The following PHTF2 variants were observed in gnomAD, a reference collection of about 807,000 sequenced individuals.
The protein encoded by PHTF2 is protein PHTF2.
PHTF2 carries 60 observed loss-of-function variants against 101.2 expected under a neutral mutation model. That is an observed-to-expected ratio of 0.59 (90% CI 0.48 to 0.73). The LOEUF (loss-of-function observed/expected upper bound fraction) is 0.73. Ranked by LOEUF, PHTF2 falls within the 30% of genes least tolerant of loss-of-function variation. The pLI is 0.00. For missense variants in PHTF2, 747 were observed against 908.7 expected, an observed-to-expected ratio of 0.82 and a Z score of 2.29; for synonymous variants, 311 against 307.3, an observed-to-expected ratio of 1.01 and a Z score of -0.13.
intron 1 of PHTF2, among the ~76,000 whole-genome samples, chr7:77,800,514 AC>A (rs1792451251): frequency 6.6e-6 from 1 of 152,212 alleles, no homozygotes; most frequent in African/African-American, 2.4e-5. Flanking sequence ...AGTATAGTAT[AC>A]AATGGGGGCA....
intron 4 of PHTF2, 57 bp from the exon 4 acceptor site, chr7:77,893,925 A>G (rs1800663040): frequency 8.0e-7 from 1 of 1,251,330 alleles, no homozygotes; most frequent in Non-Finnish European, 1.2e-6. Flanking sequence ...TTCACTTGTC[A>G]CCTTATACTT....
chr7:77,910,440 T>A (rs1441126660), intron 9 of PHTF2, 31 bp downstream of exon 8: 1 of 1,523,700 alleles, frequency 6.6e-7, no homozygotes, highest in Non-Finnish European at 9.0e-7. Flanking sequence ...TTATATGGCA[T>A]AGAGATGGCA....
chr7:77,849,972 C>T (rs1796606552), intron 2 of PHTF2, among the ~76,000 whole-genome samples: 1 of 145,638 alleles, frequency 6.9e-6, no homozygotes, highest in South Asian at 2.2e-4. Context: ...TGGACTTCTT[C>T]CTTTCCAATT....
chr7:77,878,015 C>T (rs1799096600), intron 3 of PHTF2, among the ~76,000 whole-genome samples: 1 of 152,052 alleles, frequency 6.6e-6, no homozygotes, highest in Admixed American at 6.6e-5. Context: ...TATAGCAAGA[C>T]TTCAGTACTT....
At chr7:77,939,023 T>C (rs1805404590) in intron 13 of PHTF2, among the ~76,000 whole-genome samples, 1 of 152,182 alleles carries the variant, frequency 6.6e-6, no homozygotes, top group Non-Finnish European at 1.5e-5. Flanking sequence ...TAGTTTGTGC[T>C]CTGTAACTTA....
chr7:77,900,540 A>T (rs1011597051), intron 5 of PHTF2, 171 bp from the exon 5 acceptor site: 7 of 574,720 alleles, frequency 1.2e-5, no homozygotes, highest in African/African-American at 9.4e-5. Flanking sequence ...CAATAATAAA[A>T]TTTATTACAA....
At chr7:77,862,942 T>C (rs1797762027) in intron 3 of PHTF2, among the ~76,000 whole-genome samples, 1 of 152,222 alleles carries the variant, frequency 6.6e-6, no homozygotes, top group African/African-American at 2.4e-5. Context: ...TAAATGCCAT[T>C]TAACAGGTAA....
intron 2 of PHTF2, among the ~76,000 whole-genome samples, chr7:77,854,560 C>A (rs547769651): frequency 6.6e-6 from 1 of 152,248 alleles, no homozygotes; most frequent in Admixed American, 6.5e-5. Flanking sequence ...TGCCCTACTC[C>A]CCGTACCCCC....
At chr7:77,801,177 C>T (rs1254279939) in intron 1 of PHTF2, among the ~76,000 whole-genome samples, 2 of 152,068 alleles carry the variant, frequency 1.3e-5, no homozygotes, top group Non-Finnish European at 2.9e-5. Context: ...GAACAAATGA[C>T]GATAATACAA....
At chr7:77,922,731 C>G (rs369408811) in exon 11 of PHTF2, 4 of 1,607,474 alleles carry the variant, frequency 2.5e-6, no homozygotes, top group Middle Eastern at 1.6e-4. Flanking sequence ...TGAAGGTGTT[C>G]TTCGGAATAG....
chr7:77,927,334 G>A (rs1804153075), intron 11 of PHTF2, among the ~76,000 whole-genome samples: 2 of 151,638 alleles, frequency 1.3e-5, no homozygotes, highest in African/African-American at 2.4e-5. Flanking sequence ...GGTGGCTCAC[G>A]CCTGTAATCC....
intron 3 of PHTF2, among the ~76,000 whole-genome samples, chr7:77,889,552 A>AAAATGTTC (rs1800174957): frequency 6.6e-6 from 1 of 152,018 alleles, no homozygotes; most frequent in African/African-American, 2.4e-5. Context: ...TTAAGTAACT[A>AAAATGTTC]AAATGTTCAT....
At chr7:77,835,362 G>T (rs1001951099) in intron 1 of PHTF2, among the ~76,000 whole-genome samples, 1 of 151,798 alleles carries the variant, frequency 6.6e-6, no homozygotes, top group Non-Finnish European at 1.5e-5. Context: ...TATGAGTGGA[G>T]AAAAGAATGG....
chr7:77,874,438 G>A (rs1238508532), intron 3 of PHTF2, among the ~76,000 whole-genome samples: 5 of 152,110 alleles, frequency 3.3e-5, no homozygotes. Context: ...ATTAACTCAT[G>A]ATTACAAGGT....
chr7:77,940,243 G>T (rs774330191), exon 14 of PHTF2: 4 of 1,613,588 alleles, frequency 2.5e-6, no homozygotes, highest in Non-Finnish European at 3.4e-6. Context: ...TGTGGTTCGC[G>T]TGTCTCTTGT....
intron 3 of PHTF2, among the ~76,000 whole-genome samples, chr7:77,858,698 G>A (rs1210339059): frequency 2.0e-5 from 3 of 147,178 alleles, no homozygotes; most frequent in South Asian, 2.2e-4. Context: ...ATACATATGT[G>A]TTGATTTAAC....
At chr7:77,799,059 G>C (rs572935115) in intron 1 of PHTF2, 88 bp downstream of exon 1, 1 of 152,692 alleles carries the variant, frequency 6.5e-6, no homozygotes, top group South Asian at 2.1e-4. Context: ...CGGGACGAGG[G>C]AGGAGAGCGG....
intron 1 of PHTF2, among the ~76,000 whole-genome samples, chr7:77,814,847 G>A (rs1481104016): frequency 6.6e-6 from 1 of 152,078 alleles, no homozygotes; most frequent in African/African-American, 2.4e-5. Flanking sequence ...GGCTGAGGCA[G>A]GTGGATTACT....
chr7:77,808,013 G>T (rs139585059), intron 1 of PHTF2, among the ~76,000 whole-genome samples: 6 of 152,066 alleles, frequency 3.9e-5, no homozygotes, highest in Admixed American at 3.3e-4. Context: ...ATATATGAGG[G>T]TTTATTTCTA....
Sources: allele counts gnomAD v4.1 joint callset (sites outside exome capture counted in the v4.1 genomes callset), GRCh38; gene constraint gnomAD v4.1.1; transcripts MANE v1.5; gene names NCBI Gene and HGNC (gene_info 2026-07-23, HGNC 2026-07-21).